Variants in KIAA1671 observed in about 807,000 individuals in gnomAD.
KIAA1671 encodes the protein KIAA1671.
In KIAA1671, 52 loss-of-function variants were observed where a neutral mutation model predicts 131.2. That is an observed-to-expected ratio of 0.40 (90% CI 0.32 to 0.50). The LOEUF (loss-of-function observed/expected upper bound fraction) is 0.50. Among genes scored for constraint, KIAA1671 ranks in the 20% least tolerant of loss-of-function variants. KIAA1671 has a pLI of 0.73. For synonymous variants in KIAA1671, 1,003 were observed against 961.6 expected (o/e 1.04, Z -0.80); for missense variants, 2,360 against 2,364.2 (o/e 1.00, Z 0.04).
Position 25,170,356 on chromosome 22 carries a change from G to A in KIAA1671, c.4531-464G>A, listed in dbSNP as rs1011977179. Among the ~76,000 whole-genome samples, 17 of 152,202 alleles carry A rather than the reference G, an allele frequency of 1.1e-4. No individual in the cohort carries two copies. In the South Asian group the frequency reaches 1.2e-3, roughly 11 times the overall value. On this transcript the variant is annotated intron_variant, in intron 6 of 12. Coordinates refer to ENST00000358431, the MANE Select transcript of KIAA1671 (RefSeq NM_001145206.2). Reference sequence around the variant, plus strand: ...TCAGCCCAATGCCTGTCCCAAGTTCGGTGCTCCATGGATGTTCTGTCTGGT... The same window carrying A: ...TCAGCCCAATGCCTGTCCCAAGTTCAGTGCTCCATGGATGTTCTGTCTGGT...
chr22:25,049,743 A>G (rs1333109197), intron 6 of KIAA1671: 4 of 159,382 alleles, frequency 2.5e-5, no homozygotes, highest in Non-Finnish European at 5.2e-5. Flanking sequence ...TTCACCTGGA[A>G]AACAGGATCT....
At chr22:25,103,445 G>A (rs1220967740) in intron 6 of KIAA1671, among the ~76,000 whole-genome samples, 1 of 152,054 alleles carries the variant, frequency 6.6e-6, no homozygotes, top group Non-Finnish European at 1.5e-5. Context: ...TGCAAGCTCC[G>A]CCTCCTAGGT....
chr22:24,955,134 G>C (rs1921625438), intron 1 of KIAA1671, among the ~76,000 whole-genome samples: 1 of 152,234 alleles, frequency 6.6e-6, no homozygotes, highest in Non-Finnish European at 1.5e-5. Flanking sequence ...GGAGCCAGTT[G>C]TCTGGCTCTG....
chr22:25,023,402 G>A (rs1353333125), intron 1 of KIAA1671: 1 of 152,058 alleles, frequency 6.6e-6, no homozygotes, highest in Non-Finnish European at 1.5e-5. Flanking sequence ...ATAAAAAATA[G>A]TGGACATGTC....
chr22:25,130,762 C>G (rs1932408265), intron 6 of KIAA1671, among the ~76,000 whole-genome samples: 1 of 152,118 alleles, frequency 6.6e-6, no homozygotes, highest in African/African-American at 2.4e-5. Flanking sequence ...GTGGAGAGCT[C>G]CTCTCCCCAC....
chr22:25,012,899 G>C (rs1378892165), intron 1 of KIAA1671: 3 of 152,240 alleles, frequency 2.0e-5, no homozygotes, highest in African/African-American at 7.2e-5. Flanking sequence ...CTGGATACCA[G>C]AGCCTCCTAA....
intron 6 of KIAA1671, among the ~76,000 whole-genome samples, chr22:25,106,542 CG>C (rs1468490226): frequency 6.6e-6 from 1 of 152,122 alleles, no homozygotes; most frequent in Non-Finnish European, 1.5e-5. Context: ...ACTTGTTCAC[CG>C]TCACACAGCT....
chr22:25,112,584 A>G (rs143856344), intron 6 of KIAA1671: 5 of 394,648 alleles, frequency 1.3e-5, no homozygotes, highest in Non-Finnish European at 2.2e-5. Context: ...AATAGTTGTC[A>G]GTCAAAGCCC....
intron 1 of KIAA1671, among the ~76,000 whole-genome samples, chr22:24,971,113 T>C (rs1020972888): frequency 6.6e-6 from 1 of 152,130 alleles, no homozygotes; most frequent in African/African-American, 2.4e-5. Flanking sequence ...CGTGCCACCA[T>C]GCCCAGCTAA....
Position 24,953,096 on chromosome 22 carries a change from C to T in KIAA1671, c.-208+324C>T, listed in dbSNP as rs998527277. 2.0e-5 allele frequency among the ~76,000 whole-genome samples: 3 copies of T among 152,128 alleles called. No individual in the cohort carries two copies. In the South Asian group the frequency reaches 6.2e-4, roughly 32 times the overall value. ...GCCACCTGGTTGGCGACTTGGGAGT[C>T]GATCCCTGGAGGGGATCGGGCGCTG... On this transcript the variant is annotated intron_variant, in intron 1 of 12. Coordinates refer to ENST00000358431, the MANE Select transcript of KIAA1671 (RefSeq NM_001145206.2).
rs1428860493 is a variant in KIAA1671 at position 25,044,285 on chromosome 22, A to G, written c.4395+2760A>G. ...AGACTGAATTGAAATAAAGCACCGA[A>G]CTTGGGCCATCCCCGTGTGCTTCCT... On this transcript the variant is annotated intron_variant, in intron 5 of 12. Coordinates refer to ENST00000358431, the MANE Select transcript of KIAA1671 (RefSeq NM_001145206.2). Among the ~76,000 whole-genome samples, 7 of 152,294 alleles carry G rather than the reference A, an allele frequency of 4.6e-5. No homozygotes were observed. In the East Asian group the frequency reaches 1.4e-3, roughly 29 times the overall value.
At chr22:24,977,344 C>T (rs1289675586) in intron 1 of KIAA1671, among the ~76,000 whole-genome samples, 2 of 152,202 alleles carry the variant, frequency 1.3e-5, no homozygotes, top group African/African-American at 4.8e-5. Flanking sequence ...AAATGTTTGG[C>T]CCATGCCTGT....
At chr22:25,014,084 A>G (rs1925182899) in intron 1 of KIAA1671, 1 of 152,226 alleles carries the variant, frequency 6.6e-6, no homozygotes, top group Admixed American at 6.5e-5. Flanking sequence ...ACTTGGGAAA[A>G]TAATTGTATG....
At chr22:25,004,227 G>A (rs1262098668) in intron 1 of KIAA1671, among the ~76,000 whole-genome samples, 2 of 95,834 alleles carry the variant, frequency 2.1e-5, no homozygotes, top group Admixed American at 1.2e-4. Flanking sequence ...GTGAGCCTCC[G>A]ACCTGAGCCT....
At chr22:25,147,136 C>T (rs942855662) in intron 6 of KIAA1671, among the ~76,000 whole-genome samples, 3 of 151,374 alleles carry the variant, frequency 2.0e-5, no homozygotes, top group African/African-American at 7.3e-5. Flanking sequence ...TGCCATGCAG[C>T]ATTTTATTTT....
At chr22:25,125,361 C>T (rs1355271179) in intron 6 of KIAA1671, among the ~76,000 whole-genome samples, 3 of 152,142 alleles carry the variant, frequency 2.0e-5, no homozygotes, top group African/African-American at 7.2e-5. Context: ...TTATCTATGT[C>T]GGGTCTGTTT....
intron 6 of KIAA1671, among the ~76,000 whole-genome samples, chr22:25,133,108 G>T (rs1932517808): frequency 6.6e-6 from 1 of 151,056 alleles, no homozygotes; most frequent in Non-Finnish European, 1.5e-5. Context: ...GAATCACTTG[G>T]TTAAACAATG....
At chr22:25,058,363 A>C (rs982609251) in intron 6 of KIAA1671, 1 of 152,192 alleles carries the variant, frequency 6.6e-6, no homozygotes, top group Non-Finnish European at 1.5e-5. Context: ...TTCCTATTAA[A>C]TAAAGTTCAT....
Position 25,017,627 on chromosome 22 carries a change from A to C in KIAA1671, c.-207-8006A>C, listed in dbSNP as rs563060347. 8.6e-3 allele frequency among the ~76,000 whole-genome samples: 1,311 copies of C among 152,310 alleles called. 11 individuals carry two copies. Among genetic ancestry groups the C allele is most frequent in the Non-Finnish European group, 0.014 (942 of 68,028 alleles). On this transcript the variant is annotated intron_variant, in intron 1 of 12. Transcript: ENST00000358431. ...TGAACTTGAAATGGTTGAAATAGTA[A>C]ATTTTATGTTATGTGATTTTTACCC...
Sources: gnomAD v4.1 joint callset for allele counts (sites outside exome capture counted in the v4.1 genomes callset) on GRCh38, gnomAD v4.1.1 for gene constraint, MANE v1.5 for transcripts, NCBI Gene and HGNC (gene_info 2026-07-23, HGNC 2026-07-21) for gene names.